Variants in PSMA1 observed in about 807,000 individuals in gnomAD.
PSMA1 encodes proteasome subunit alpha type-1.
In PSMA1, 3 loss-of-function variants were observed where a neutral mutation model predicts 38.4. The ratio of observed to expected loss-of-function variants is 0.08; its 90% CI spans 0.04 to 0.20. The LOEUF (loss-of-function observed/expected upper bound fraction) is 0.20. Ranked by LOEUF, PSMA1 falls within the 10% of genes least tolerant of loss-of-function variation. The pLI is 1.00. For synonymous variants in PSMA1, 101 were observed against 107.1 expected (o/e 0.94, Z 0.35); for missense variants, 227 against 325.3 (o/e 0.70, Z 2.32).
intron 2 of PSMA1, among the ~76,000 whole-genome samples, chr11:14,526,841 C>G (rs113685591): frequency 2.7e-4 from 41 of 152,112 alleles, no homozygotes; most frequent in Non-Finnish European, 4.4e-4. Flanking sequence ...CAGGCCTAAT[C>G]GCCACTCACC....
intron 2 of PSMA1, among the ~76,000 whole-genome samples, chr11:14,591,788 C>T (rs914209545): frequency 6.6e-6 from 1 of 152,118 alleles, no homozygotes; most frequent in Non-Finnish European, 1.5e-5. Flanking sequence ...CTTGGCTCTA[C>T]CAATCAGCAG....
chr11:14,614,408 C>T (rs933078311), intron 1 of PSMA1, among the ~76,000 whole-genome samples: 1 of 151,278 alleles, frequency 6.6e-6, no homozygotes, highest in East Asian at 1.9e-4. Flanking sequence ...AAAAAAAAAA[C>T]CCCAAATAAT....
chr11:14,558,167 C>G (rs1316155699), intron 2 of PSMA1, among the ~76,000 whole-genome samples: 1 of 148,532 alleles, frequency 6.7e-6, no homozygotes. Context: ...AATCCCAGCA[C>G]TCAGGGAGGC....
At chr11:14,558,288 A>G (rs1851965247) in intron 2 of PSMA1, among the ~76,000 whole-genome samples, 1 of 150,380 alleles carries the variant, frequency 6.6e-6, no homozygotes. Flanking sequence ...GCATGGTGGC[A>G]CACATCTGTA....
At position 14,603,386 on chromosome 11, in the gene PSMA1, T is replaced by A. The variant is rs1361665901; in HGVS notation, c.21+7580A>T. On this transcript the variant is annotated intron_variant, in intron 2 of 10. Coordinates refer to the PSMA1 transcript ENST00000418988. ...AAAGAGGACTATCCATATGACGAGA[T>A]GTAATCAGATGACTTTATTATCTAG... Among the ~76,000 whole-genome samples the A allele has an allele frequency of 2.0e-5, 3 of 152,344 alleles. No individual in the cohort carries two copies. The East Asian group carries it at 5.8e-4, about 29-fold the overall frequency.
At chr11:14,585,877 A>G (rs537405462) in intron 2 of PSMA1, among the ~76,000 whole-genome samples, 2 of 151,716 alleles carry the variant, frequency 1.3e-5, no homozygotes, top group South Asian at 4.2e-4. Flanking sequence ...AGTGGTCAGA[A>G]AAAAAAAATC....
chr11:14,601,723 A>C (rs1451977612), intron 2 of PSMA1, among the ~76,000 whole-genome samples: 4 of 152,118 alleles, frequency 2.6e-5, no homozygotes, highest in Non-Finnish European at 2.9e-5. Flanking sequence ...CTTACTCCCA[A>C]CTCCATGAAC....
intron 2 of PSMA1, among the ~76,000 whole-genome samples, chr11:14,555,217 T>C (rs1328444748): frequency 1.3e-5 from 2 of 152,236 alleles, no homozygotes; most frequent in Non-Finnish European, 2.9e-5. Flanking sequence ...CTCTTGGACA[T>C]TGTGAAACCA....
chr11:14,595,478 T>C (rs1170446443), intron 2 of PSMA1, among the ~76,000 whole-genome samples: 3 of 152,258 alleles, frequency 2.0e-5, no homozygotes, highest in Non-Finnish European at 2.9e-5. Flanking sequence ...CATTGTGGTT[T>C]TGATTTGCAT....
At chr11:14,536,578 T>C (rs1206779104) in intron 2 of PSMA1, among the ~76,000 whole-genome samples, 1 of 151,744 alleles carries the variant, frequency 6.6e-6, no homozygotes, top group Non-Finnish European at 1.5e-5. Context: ...TATTTCTTCC[T>C]CTAATAGGAC....
At chr11:14,598,856 G>C (rs1220740315) in intron 2 of PSMA1, among the ~76,000 whole-genome samples, 1 of 151,594 alleles carries the variant, frequency 6.6e-6, no homozygotes, top group African/African-American at 2.4e-5. Context: ...TCACAATTTG[G>C]CATGTTTTTG....
At chr11:14,608,939 T>G (rs537902920) in intron 2 of PSMA1, among the ~76,000 whole-genome samples, 1 of 152,218 alleles carries the variant, frequency 6.6e-6, no homozygotes, top group Non-Finnish European at 1.5e-5. Context: ...TTAAAAAAAT[T>G]AAAGTACAAA....
intron 6 of PSMA1, 55 bp from the exon 7 acceptor site, chr11:14,513,754 T>C: frequency 6.5e-7 from 1 of 1,542,118 alleles, no homozygotes; most frequent in South Asian, 1.2e-5. Context: ...GAACTAAAAA[T>C]TATAAAAATT....
At chr11:14,558,202 C>T (rs918338831) in intron 2 of PSMA1, among the ~76,000 whole-genome samples, 1 of 129,666 alleles carries the variant, frequency 7.7e-6, no homozygotes, top group African/African-American at 3.0e-5. Context: ...TGCTTAAGGA[C>T]AGGAGCTCGA....
At chr11:14,639,902 A>G (rs1403877674) in intron 1 of PSMA1, among the ~76,000 whole-genome samples, 3 of 152,178 alleles carry the variant, frequency 2.0e-5, no homozygotes, top group African/African-American at 7.2e-5. Flanking sequence ...TGGGCTCCTG[A>G]GATCCCAGAG....
intron 8 of PSMA1, among the ~76,000 whole-genome samples, chr11:14,510,082 G>A (rs932009961): frequency 1.3e-5 from 2 of 152,088 alleles, no homozygotes; most frequent in Non-Finnish European, 2.9e-5. Flanking sequence ...CCAAATCATG[G>A]TATTCCTCTG....
At chr11:14,604,599 T>C (rs1852620223) in intron 2 of PSMA1, among the ~76,000 whole-genome samples, 1 of 152,210 alleles carries the variant, frequency 6.6e-6, no homozygotes, top group Non-Finnish European at 1.5e-5. Flanking sequence ...TAGAGGTACA[T>C]GTACAGGTTT....
intron 2 of PSMA1, among the ~76,000 whole-genome samples, chr11:14,535,297 G>C (rs550959420): frequency 2.6e-5 from 4 of 151,868 alleles, no homozygotes; most frequent in Non-Finnish European, 2.9e-5. Flanking sequence ...GTGACTAAAA[G>C]AGAGGCCTGT....
chr11:14,622,049 T>C (rs528806891), intron 1 of PSMA1, among the ~76,000 whole-genome samples: 1 of 152,296 alleles, frequency 6.6e-6, no homozygotes, highest in South Asian at 2.1e-4. Flanking sequence ...ATAAAATACA[T>C]ATAGAATACC....
Sources: gnomAD v4.1 joint callset for allele counts (sites outside exome capture counted in the v4.1 genomes callset) on GRCh38, gnomAD v4.1.1 for gene constraint, MANE v1.5 for transcripts, NCBI Gene and HGNC (gene_info 2026-07-23, HGNC 2026-07-21) for gene names.